The following SYNE2 variants were observed in gnomAD, a reference collection of about 807,000 sequenced individuals.
The protein encoded by SYNE2 is spectrin repeat containing nuclear envelope protein 2, also known as nesprin-2.
A neutral mutation model predicts 856.3 loss-of-function variants in SYNE2; 431 were observed. The observed-to-expected ratio is 0.50, with a 90% CI of 0.47 to 0.55. SYNE2 has a LOEUF of 0.55. SYNE2 is among the 20% of genes least tolerant of loss of function. The pLI is 0.00. For missense variants in SYNE2, 8,129 were observed against 8,023.2 expected (o/e 1.01, Z -0.50); for synonymous variants, 2,923 against 2,872.3 (o/e 1.02, Z -0.56).
intron 8 of SYNE2, 135 bp downstream of exon 8, chr14:63,955,050 G>A (rs1278855710): frequency 1.1e-5 from 8 of 733,180 alleles, no homozygotes; most frequent in Non-Finnish European, 1.8e-5. Flanking sequence ...GCTCTTTATC[G>A]AATTTGATGC....
At chr14:63,789,253 TG>T (rs35749133) in intron 1 of SYNE2, among the ~76,000 whole-genome samples, 247 of 152,320 alleles carry the variant, frequency 1.6e-3, no homozygotes, top group African/African-American at 5.7e-3. Context: ...TCTCAGTGCC[TG>T]GTGACAGCTG....
chr14:64,188,407 A>T (rs1042323948), intron 97 of SYNE2, 143 bp from the exon 98 acceptor site: 7 of 815,902 alleles, frequency 8.6e-6, no homozygotes, highest in Non-Finnish European at 1.5e-5. Context: ...GCTAAACCCT[A>T]GGTTTAGAAG....
At chr14:64,068,403 C>CT (rs1218226358) in intron 51 of SYNE2, among the ~76,000 whole-genome samples, 1 of 152,090 alleles carries the variant, frequency 6.6e-6, no homozygotes, top group Non-Finnish European at 1.5e-5. Context: ...TTTGAGTTTA[C>CT]TTTTTTTCAC....
chr14:63,804,714 G>A (rs1476244030), intron 1 of SYNE2, among the ~76,000 whole-genome samples: 4 of 152,132 alleles, frequency 2.6e-5, no homozygotes, highest in East Asian at 1.9e-4. Flanking sequence ...GGCTGATCTC[G>A]AACTCTCGAA....
intron 7 of SYNE2, among the ~76,000 whole-genome samples, chr14:63,952,065 A>G (rs1343507529): frequency 6.6e-6 from 1 of 152,236 alleles, no homozygotes; most frequent in Non-Finnish European, 1.5e-5. Context: ...TCATTTCAAT[A>G]AGACTGTTTT....
intron 1 of SYNE2, among the ~76,000 whole-genome samples, chr14:63,807,886 C>G (rs1888442071): frequency 9.1e-6 from 1 of 109,844 alleles, no homozygotes; most frequent in South Asian, 3.2e-4. Context: ...TTTTTGGGAA[C>G]AAGTGGTGTT....
At chr14:64,133,965 T>G in intron 77 of SYNE2, 104 bp from the exon 78 acceptor site, 16 of 1,380,608 alleles carry the variant, frequency 1.2e-5, no homozygotes, top group Non-Finnish European at 1.6e-5. Flanking sequence ...TGCTTTAATT[T>G]TGTATGGTCT....
chr14:63,821,076 A>G (rs1485267550), intron 1 of SYNE2, among the ~76,000 whole-genome samples: 1 of 152,114 alleles, frequency 6.6e-6, no homozygotes, highest in South Asian at 2.1e-4. Context: ...GGATATTTTC[A>G]TTACTTGATT....
chr14:63,997,050 T>C lies in SYNE2; in HGVS notation c.3044T>C (p.Val1015Ala), dbSNP rs1368984511. The C allele has an allele frequency of 6.2e-7, 1 of 1,613,904 alleles. No homozygotes were observed. The highest frequency in any genetic ancestry group is 8.5e-7 in the Non-Finnish European group (1 of 1,180,002). ...CCTTCACAGAAGAGTCAACAAGAAG[T>C]GAAGAGACTACTCAAAGATTATGAA... is the stretch of plus-strand genomic sequence containing the variant. ...ELPSQKSQQE[V>A]KRLLKDYEQK... Residue 1015 changes from valine (V) to alanine (A), a missense_variant, in exon 24 of 116, where the codon GTG becomes GCG. Val to Ala is a moderately conservative substitution (Grantham distance 64). Around this residue, in one of 3 missense-constraint regions of SYNE2, gnomAD observed 2,422 missense variants for 2,357.4 expected, o/e 1.03. Coordinates refer to ENST00000555002, the MANE Select transcript of SYNE2 (RefSeq NM_182914.3).
chr14:63,829,944 G>A (rs1367578266), intron 1 of SYNE2, among the ~76,000 whole-genome samples: 1 of 151,924 alleles, frequency 6.6e-6, no homozygotes, highest in Non-Finnish European at 1.5e-5. Flanking sequence ...ATAGCCCAAA[G>A]GTGTAAAAAA....
rs573024841 is a variant in SYNE2 at position 63,867,118 on chromosome 14, A to G, written c.-52+13975A>G. ...GTTAAATAACTTGTCCAAACCATAC[A>G]GCAAGTTACTGGCAAGACTGGCTTG... On this transcript the variant is annotated intron_variant, in intron 1 of 115. Coordinates refer to ENST00000555002, the MANE Select transcript of SYNE2 (RefSeq NM_182914.3). Among the ~76,000 whole-genome samples, 12 of 152,304 alleles carry G rather than the reference A, an allele frequency of 7.9e-5. No homozygotes were observed. In the East Asian group the frequency reaches 2.3e-3, roughly 29 times the overall value.
At chr14:64,003,459 C>A in intron 30 of SYNE2, 129 bp downstream of exon 30, 1 of 1,256,698 alleles carries the variant, frequency 8.0e-7, no homozygotes, top group Non-Finnish European at 1.1e-6. Context: ...CAGTGTTCAG[C>A]ATTCTTTTCT....
intron 1 of SYNE2, among the ~76,000 whole-genome samples, chr14:63,838,615 A>G (rs1337479413): frequency 2.0e-5 from 3 of 152,014 alleles, no homozygotes; most frequent in Non-Finnish European, 2.9e-5. Context: ...CCTTGGCTCC[A>G]GCAATCCTCC....
At chr14:63,922,639 T>C (rs2095614318) in intron 2 of SYNE2, among the ~76,000 whole-genome samples, 1 of 152,204 alleles carries the variant, frequency 6.6e-6, no homozygotes, top group African/African-American at 2.4e-5. Flanking sequence ...AAAATACTCA[T>C]GTGTTATAAT....
At chr14:64,003,891 T>C (rs2096774355) in intron 30 of SYNE2, among the ~76,000 whole-genome samples, 1 of 152,190 alleles carries the variant, frequency 6.6e-6, no homozygotes, top group Admixed American at 6.5e-5. Context: ...TTGGCAGCCT[T>C]CTGTATACCT....
chr14:64,215,265 A>G, intron 106 of SYNE2, 21 bp from the exon 107 acceptor site: 2 of 1,613,174 alleles, frequency 1.2e-6, no homozygotes, highest in Non-Finnish European at 1.7e-6. Flanking sequence ...CAGTGAGGCA[A>G]ATGACATTGT....
chr14:64,147,736 A>T (rs958997056), intron 84 of SYNE2, among the ~76,000 whole-genome samples: 1 of 152,232 alleles, frequency 6.6e-6, no homozygotes, highest in African/African-American at 2.4e-5. Context: ...ACCGCTTTGC[A>T]TGAAAGGCAG....
chr14:63,849,260 A>G (rs1890326297), upstream of SYNE2, among the ~76,000 whole-genome samples: 1 of 140,000 alleles, frequency 7.1e-6, no homozygotes, highest in African/African-American at 2.7e-5. Context: ...CACTAAGTTA[A>G]TCTCCTTTTT....
Position 64,001,983 on chromosome 14 carries a change from G to A in SYNE2, c.3688G>A (p.Ala1230Thr), listed in dbSNP as rs1294862758. The A allele has an allele frequency of 8.7e-6, 14 of 1,613,966 alleles. No homozygotes were observed. Among genetic ancestry groups the A allele is most frequent in the Non-Finnish European group, 1.1e-5 (13 of 1,179,850 alleles). Residue 1230 changes from alanine to threonine, a missense_variant, in exon 29 of 116, where the codon GCA (alanine) becomes ACA (threonine). Physicochemically the swap from Ala to Thr is moderately conservative, Grantham distance 58. This residue lies in a region of SYNE2 where 2,422 missense variants were observed against 2,357.4 expected (regional missense o/e 1.03). Transcript: ENST00000555002. ...ALRLVLPVEK[A>T]SLLLCGSDLP... ...GCGGCTTGTGTTACCTGTAGAGAAG[G>A]CATCACTTCTTCTCTGTGGCTCGGA...
Sources: gnomAD v4.1 joint callset for allele counts (sites outside exome capture counted in the v4.1 genomes callset) on GRCh38, gnomAD v4.1.1 for gene constraint, gnomAD v4.1.1 regional missense constraint, MANE v1.5 for transcripts, NCBI Gene and HGNC (gene_info 2026-07-23, HGNC 2026-07-21) for gene names.